Variants in GRIN3A observed in about 807,000 individuals in gnomAD.
The protein encoded by GRIN3A is glutamate receptor ionotropic, NMDA 3A.
A neutral mutation model predicts 92.4 loss-of-function variants in GRIN3A; 47 were observed. The ratio of observed to expected loss-of-function variants is 0.51; its 90% CI spans 0.40 to 0.65. The LOEUF (loss-of-function observed/expected upper bound fraction) is 0.65. Ranked by LOEUF, GRIN3A falls within the 30% of genes least tolerant of loss-of-function variation. The pLI is 0.00. For missense variants in GRIN3A, 1,324 were observed against 1,393.1 expected, an observed-to-expected ratio of 0.95 and a Z score of 0.79; for synonymous variants, 527 against 540.6, an observed-to-expected ratio of 0.97 and a Z score of 0.35.
chr9:101,703,974 C>T (rs1829783672), intron 1 of GRIN3A, among the ~76,000 whole-genome samples: 5 of 152,030 alleles, frequency 3.3e-5, no homozygotes, highest in Admixed American at 3.3e-4. Flanking sequence ...AATTTAGTTC[C>T]TTTGAGGCTT....
At chr9:101,689,895 C>T (rs1358344795) in intron 1 of GRIN3A, among the ~76,000 whole-genome samples, 1 of 152,086 alleles carries the variant, frequency 6.6e-6, no homozygotes, top group Non-Finnish European at 1.5e-5. Flanking sequence ...CTGTGTCTTA[C>T]ATATGGTTTG....
chr9:101,688,197 A>G (rs1829562793), intron 1 of GRIN3A, among the ~76,000 whole-genome samples: 1 of 152,200 alleles, frequency 6.6e-6, no homozygotes, highest in Non-Finnish European at 1.5e-5. Context: ...GTAAAATCTC[A>G]AGCCCTTGTA....
rs530701169 is a variant in GRIN3A, at chr9:101,599,421, T to C, written c.2766+13955A>G. ...AACTTGAGTTCCCATTGTTCTACCT[T>C]TCATAAACTATGTAGCTCAGCATTA... On this transcript the variant is annotated intron_variant, in intron 6 of 8. Coordinates refer to ENST00000361820, the MANE Select transcript of GRIN3A (RefSeq NM_133445.3). 3.0e-4 allele frequency among the ~76,000 whole-genome samples: 45 copies of C among 152,288 alleles called. 1 individual carries two copies. The highest frequency in any genetic ancestry group is 1.6e-3 in the Admixed American group (24 of 15,290).
At chr9:101,651,619 T>C (rs898471243) in intron 3 of GRIN3A, among the ~76,000 whole-genome samples, 6 of 147,062 alleles carry the variant, frequency 4.1e-5, no homozygotes, top group Admixed American at 2.1e-4. Flanking sequence ...AATCTGAAGA[T>C]GTATGCAATA....
chr9:101,650,868 A>G (rs1354757902), intron 3 of GRIN3A, among the ~76,000 whole-genome samples: 1 of 151,950 alleles, frequency 6.6e-6, no homozygotes, highest in African/African-American at 2.4e-5. Context: ...GTAAACTGCT[A>G]TTATTTCTTT....
At chr9:101,655,791 A>G (rs1441546945) in intron 3 of GRIN3A, among the ~76,000 whole-genome samples, 2 of 152,022 alleles carry the variant, frequency 1.3e-5, no homozygotes, top group Non-Finnish European at 2.9e-5. Context: ...GATGTGTGTC[A>G]TAATTATTTG....
chr9:101,594,918 C>A (rs774345802), intron 6 of GRIN3A: 1 of 1,598,290 alleles, frequency 6.3e-7, no homozygotes, highest in South Asian at 1.1e-5. Context: ...GCCTCGTTTC[C>A]CATTGTGGAC....
At chr9:101,707,435 A>G (rs1015558276) in intron 1 of GRIN3A, among the ~76,000 whole-genome samples, 3 of 152,202 alleles carry the variant, frequency 2.0e-5, no homozygotes, top group Admixed American at 6.5e-5. Flanking sequence ...TGCTGTATAC[A>G]TTTGGCACAG....
chr9:101,632,364 A>G (rs1828726795), intron 3 of GRIN3A, among the ~76,000 whole-genome samples: 1 of 152,204 alleles, frequency 6.6e-6, no homozygotes, highest in African/African-American at 2.4e-5. Context: ...TGGTGCCCAT[A>G]GTGATCTCAT....
chr9:101,654,645 TAA>T (rs1253428112), intron 3 of GRIN3A, among the ~76,000 whole-genome samples: 8 of 151,812 alleles, frequency 5.3e-5, no homozygotes, highest in African/African-American at 1.9e-4. Flanking sequence ...ATCTGCCTAT[TAA>T]GAGAGGTTTC....
chr9:101,594,836 T>C lies in GRIN3A; in HGVS notation c.2767-15476A>G, dbSNP rs542836480. On this transcript the variant is annotated intron_variant, in intron 6 of 8. Transcript: ENST00000361820. ...AGACCCTGATTTGTCCAAGTCCAAC[T>C]TCTTAAACCTCCTGCCCAGCCTTTT... 65 of 1,609,244 alleles carry C rather than the reference T, an allele frequency of 4.0e-5. No individual in the cohort carries two copies. In the East Asian group the frequency reaches 6.5e-4, roughly 16 times the overall value.
intron 6 of GRIN3A, among the ~76,000 whole-genome samples, chr9:101,607,504 G>A (rs552581825): frequency 3.9e-5 from 6 of 152,180 alleles, no homozygotes; most frequent in Non-Finnish European, 7.3e-5. Flanking sequence ...GGAACCATCC[G>A]GAGTATATAC....
chr9:101,596,739 C>T (rs1422974779), intron 6 of GRIN3A, among the ~76,000 whole-genome samples: 1 of 152,172 alleles, frequency 6.6e-6, no homozygotes, highest in Non-Finnish European at 1.5e-5. Context: ...GTAAAAGAAT[C>T]TACCTCTAAG....
intron 6 of GRIN3A, chr9:101,594,610 A>G: frequency 3.7e-6 from 6 of 1,614,190 alleles, no homozygotes; most frequent in Non-Finnish European, 5.1e-6. Context: ...AAATGTAGCC[A>G]TCTTTATCCA....
At chr9:101,647,490 C>G (rs930725331) in intron 3 of GRIN3A, among the ~76,000 whole-genome samples, 4 of 151,090 alleles carry the variant, frequency 2.6e-5, no homozygotes, top group Non-Finnish European at 5.9e-5. Context: ...GGTTTTGGTA[C>G]TAGGATGCTG....
intron 6 of GRIN3A, among the ~76,000 whole-genome samples, chr9:101,601,296 G>A (rs749142060): frequency 1.3e-5 from 2 of 152,202 alleles, no homozygotes; most frequent in Non-Finnish European, 2.9e-5. Flanking sequence ...TCTCTACCCA[G>A]TAGGGAAAGC....
At chr9:101,707,068 G>T (rs1450289300) in intron 1 of GRIN3A, among the ~76,000 whole-genome samples, 4 of 152,200 alleles carry the variant, frequency 2.6e-5, no homozygotes, top group Non-Finnish European at 5.9e-5. Flanking sequence ...ATTTGCAAAA[G>T]ATGCCAGTAT....
In GRIN3A at chr9:101,686,675, C is replaced by T; in HGVS notation, c.1225G>A (p.Glu409Lys). Reference protein sequence around the residue: ...AVATATMIQPELALIPSTMNC... With the variant: ...AVATATMIQPKLALIPSTMNC... Reference sequence around the variant, plus strand: ...ATCGTGCTGGGAATGAGAGCAAGTTCTGGTTGGATCATGGTGGCTGTGGCT... The same window carrying T: ...ATCGTGCTGGGAATGAGAGCAAGTTTTGGTTGGATCATGGTGGCTGTGGCT... Residue 409 changes from glutamate to lysine, a missense_variant, in exon 2 of 9, where the codon GAA becomes AAA. Coordinates refer to ENST00000361820, the MANE Select transcript of GRIN3A (RefSeq NM_133445.3). 1 of 1,614,132 alleles carries T rather than the reference C, an allele frequency of 6.2e-7. No homozygotes were observed. The highest frequency in any genetic ancestry group is 8.5e-7 in the Non-Finnish European group (1 of 1,180,022).
chr9:101,708,696 T>C (rs1829839569), intron 1 of GRIN3A, among the ~76,000 whole-genome samples: 1 of 152,180 alleles, frequency 6.6e-6, no homozygotes, highest in African/African-American at 2.4e-5. Flanking sequence ...TCAGAAATAA[T>C]GGAGTAGTGA....
Sources: allele counts gnomAD v4.1 joint callset (sites outside exome capture counted in the v4.1 genomes callset), GRCh38; gene constraint gnomAD v4.1.1; transcripts MANE v1.5; gene names NCBI Gene and HGNC (gene_info 2026-07-23, HGNC 2026-07-21).